CTNNA2: variants seen among roughly 807,000 people sequenced by gnomAD.
The protein encoded by CTNNA2 is catenin alpha 2, also known as catenin alpha-2.
A neutral mutation model predicts 101.0 loss-of-function variants in CTNNA2; 42 were observed. That is an observed-to-expected ratio of 0.42 (90% CI 0.32 to 0.54). CTNNA2 has a LOEUF of 0.54. Ranked by LOEUF, CTNNA2 falls within the 20% of genes least tolerant of loss-of-function variation. The pLI, the probability that CTNNA2 is intolerant of heterozygous loss-of-function variation, is 0.14. For missense variants in CTNNA2, 871 were observed against 1,223.1 expected, an observed-to-expected ratio of 0.71 and a Z score of 4.29; for synonymous variants, 450 against 456.4, an observed-to-expected ratio of 0.99 and a Z score of 0.18.
intron 2 of CTNNA2, among the ~76,000 whole-genome samples, chr2:79,658,067 C>A (rs1681746441): frequency 6.6e-6 from 1 of 151,624 alleles, no homozygotes; most frequent in Non-Finnish European, 1.5e-5. Flanking sequence ...GGAAAGAATT[C>A]AAAACAAAGA....
intron 2 of CTNNA2, among the ~76,000 whole-genome samples, chr2:79,722,225 A>G (rs1191821341): frequency 1.3e-5 from 2 of 152,186 alleles, no homozygotes; most frequent in African/African-American, 4.8e-5. Context: ...CATCATCAAT[A>G]AGCAGGCAGA....
intron 2 of CTNNA2, among the ~76,000 whole-genome samples, chr2:79,662,933 C>T (rs778001055): frequency 9.9e-5 from 15 of 152,176 alleles, no homozygotes; most frequent in Non-Finnish European, 1.8e-4. Context: ...TGTTTCCTGG[C>T]CTAGCCTTTA....
chr2:79,850,842 A>G (rs1680647632), intron 3 of CTNNA2, among the ~76,000 whole-genome samples: 1 of 152,214 alleles, frequency 6.6e-6, no homozygotes, highest in Admixed American at 6.5e-5. Context: ...GTGAGCTCTT[A>G]AAAAGAGAGC....
upstream of CTNNA2, among the ~76,000 whole-genome samples, chr2:79,508,985 A>G (rs1365958179): frequency 8.7e-4 from 38 of 43,616 alleles, no homozygotes; most frequent in African/African-American, 2.8e-3. Context: ...ATATATATAT[A>G]TATATATATA....
In CTNNA2 at chr2:79,327,807, CA is replaced by C. The variant is rs577780983; in HGVS notation, c.-318+15012del. 1.2e-4 allele frequency among the ~76,000 whole-genome samples: 19 copies of C among 152,278 alleles called. No individual in the cohort carries two copies. In the East Asian group the frequency reaches 3.5e-3, roughly 28 times the overall value. ...ACATTTCACCTGGATGCAGAAGGGG[CA>C]GGGGGATGGCAAGCTGCCTCCCTGC... On this transcript the variant is annotated intron_variant, in intron 3 of 21. Transcript: ENST00000466387.
At chr2:80,095,795 G>A (rs1475773464) in intron 7 of CTNNA2, among the ~76,000 whole-genome samples, 2 of 151,528 alleles carry the variant, frequency 1.3e-5, no homozygotes, top group African/African-American at 2.4e-5. Flanking sequence ...TTGCATAGAG[G>A]TGTTTATAGT....
At chr2:79,528,924 G>A (rs35349883) in intron 1 of CTNNA2, among the ~76,000 whole-genome samples, 29,661 of 151,988 alleles carry the variant, frequency 0.2, 3,261 homozygotes, top group African/African-American at 0.29. Context: ...GGGAAAGTGC[G>A]GCCCGTAAAC....
At position 80,224,106 on chromosome 2, in the gene CTNNA2, C is replaced by T. The variant is rs374206286; in HGVS notation, c.1057-169105C>T. On this transcript the variant is annotated intron_variant, in intron 7 of 18. Transcript: ENST00000402739. Reference sequence around the variant, plus strand: ...CTAGCCCTCTTGACACATAAACTCTCTTGTCTTCTGTTCTCATGTCCCTAG... The same window carrying T: ...CTAGCCCTCTTGACACATAAACTCTTTTGTCTTCTGTTCTCATGTCCCTAG... Among the ~76,000 whole-genome samples the T allele has an allele frequency of 1.3e-4, 20 of 152,268 alleles. No individual in the cohort carries two copies. In the East Asian group the frequency reaches 2.3e-3, roughly 18 times the overall value.
At chr2:79,262,053 T>A (rs1168276800) in intron 2 of CTNNA2, among the ~76,000 whole-genome samples, 2 of 152,178 alleles carry the variant, frequency 1.3e-5, no homozygotes, top group African/African-American at 4.8e-5. Context: ...CTTTCTCCTG[T>A]GTAAGATTAG....
At chr2:79,745,555 T>G (rs1671588446) in intron 3 of CTNNA2, among the ~76,000 whole-genome samples, 1 of 152,206 alleles carries the variant, frequency 6.6e-6, no homozygotes, top group South Asian at 2.1e-4. Context: ...TCTTGCAAAC[T>G]GAAACTCTAT....
chr2:79,332,301 G>GA lies in CTNNA2; in HGVS notation c.-318+19519dup, dbSNP rs3038816. Among the ~76,000 whole-genome samples the GA allele has an allele frequency of 5.3e-3, 772 of 144,986 alleles. 1 individual carries two copies. Among genetic ancestry groups the GA allele is most frequent in the Middle Eastern group, 0.011 (3 of 276 alleles). Reference sequence around the variant, plus strand: ...ATAGAGAGGCACTGCAAAAGAAGAAGAAAAAAAAAAAAAAGACGATGGCCA... The same window carrying GA: ...ATAGAGAGGCACTGCAAAAGAAGAAGAAAAAAAAAAAAAAAGACGATGGCCA... On this transcript the variant is annotated intron_variant, in intron 3 of 21. Coordinates refer to the CTNNA2 transcript ENST00000466387.
chr2:79,238,400 A>G lies in CTNNA2; in HGVS notation c.-406+40324A>G, dbSNP rs1302709551. On this transcript the variant is annotated intron_variant, in intron 2 of 21. Coordinates refer to the CTNNA2 transcript ENST00000466387. ...AAGACTATTGATCACAGATCACCAT[A>G]ACAGATATAAAAATAATGAAAAAGT... Among the ~76,000 whole-genome samples the G allele has an allele frequency of 2.0e-5, 3 of 152,200 alleles. No individual in the cohort carries two copies. In the South Asian group the frequency reaches 6.2e-4, roughly 32 times the overall value.
intron 7 of CTNNA2, among the ~76,000 whole-genome samples, chr2:80,145,990 G>T (rs957987070): frequency 1.3e-5 from 2 of 152,306 alleles, no homozygotes; most frequent in African/African-American, 4.8e-5. Context: ...TGTGGCAGGA[G>T]TATACTCTGT....
intron 7 of CTNNA2, among the ~76,000 whole-genome samples, chr2:80,229,622 G>T (rs748906263): frequency 1.3e-5 from 2 of 152,098 alleles, no homozygotes; most frequent in Admixed American, 6.6e-5. Context: ...CCATCCTTTG[G>T]GTTTTATGGA....
chr2:79,450,745 G>T (rs1670734257), intron 4 of CTNNA2, among the ~76,000 whole-genome samples: 1 of 151,886 alleles, frequency 6.6e-6, no homozygotes, highest in Admixed American at 6.6e-5. Context: ...GCATATTTCT[G>T]GTCACAAAAT....
intron 7 of CTNNA2, among the ~76,000 whole-genome samples, chr2:79,998,354 A>G (rs191865740): frequency 4.5e-4 from 68 of 152,326 alleles, no homozygotes; most frequent in Admixed American, 1.2e-3. Flanking sequence ...ATAATCAGAT[A>G]ATTCTTAAAT....
At chr2:80,561,536 T>C (rs1257597559) in intron 12 of CTNNA2, among the ~76,000 whole-genome samples, 1 of 152,164 alleles carries the variant, frequency 6.6e-6, no homozygotes, top group East Asian at 1.9e-4. Flanking sequence ...CTTGGAGCAA[T>C]GTGATGAGGG....
At chr2:79,243,639 T>C (rs920798090) in intron 2 of CTNNA2, among the ~76,000 whole-genome samples, 1 of 152,242 alleles carries the variant, frequency 6.6e-6, no homozygotes, top group Admixed American at 6.5e-5. Flanking sequence ...TAACTAATTC[T>C]AACCATAATG....
At position 79,589,473 on chromosome 2, in the gene CTNNA2, T is replaced by C. The variant is rs182716280; in HGVS notation, c.-5-62079T>C. Among the ~76,000 whole-genome samples the C allele has an allele frequency of 2.1e-3, 322 of 152,318 alleles. 8 individuals carry two copies. The South Asian group carries it at 0.055, about 26-fold the overall frequency. On this transcript the variant is annotated intron_variant, in intron 1 of 18. Coordinates refer to ENST00000402739, the MANE Select transcript of CTNNA2 (RefSeq NM_001282597.3). ...TTGTCTCCACTATTGTCCTTTTTTT[T>C]CTTTAAAAATTCATTAGCCTCCATT... is the stretch of plus-strand genomic sequence containing the variant.
Sources: allele counts gnomAD v4.1 joint callset (sites outside exome capture counted in the v4.1 genomes callset), GRCh38; gene constraint gnomAD v4.1.1; transcripts MANE v1.5; gene names NCBI Gene and HGNC (gene_info 2026-07-23, HGNC 2026-07-21).